The following GPRC5B variants were observed in gnomAD, a reference collection of about 807,000 sequenced individuals.
The protein encoded by GPRC5B is G protein-coupled receptor family C group 5 member B.
A neutral mutation model predicts 30.1 loss-of-function variants in GPRC5B; 16 were observed. The observed-to-expected ratio is 0.53, with a 90% confidence interval of 0.36 to 0.81. The LOEUF is 0.81. Among genes scored for constraint, GPRC5B ranks in the 30% least tolerant of loss-of-function variants. GPRC5B has a pLI of 0.01. For missense variants in GPRC5B, 428 were observed against 544.7 expected (o/e 0.79, Z 2.13); for synonymous variants, 241 against 239.5 (o/e 1.01, Z -0.06).
intron 1 of GPRC5B, among the ~76,000 whole-genome samples, chr16:19,874,079 C>T (rs1030280225): frequency 8.5e-5 from 13 of 152,160 alleles, no homozygotes; most frequent in African/African-American, 2.2e-4. Context: ...ATGTAGTAAA[C>T]ACAAAAGCAG....
chr16:19,875,705 G>A (rs1324272860), intron 1 of GPRC5B, among the ~76,000 whole-genome samples: 1 of 152,118 alleles, frequency 6.6e-6, no homozygotes, highest in African/African-American at 2.4e-5. Context: ...CTTGAACCTG[G>A]GAGGTGGAGG....
In GPRC5B at chr16:19,861,916, A is replaced by G. The variant is rs1178229691; in HGVS notation, c.1088T>C (p.Leu363Ser). Residue 363 changes from leucine (L) to serine (S), a missense_variant, in exon 3 of 4, where the codon TTG becomes TCG. By Grantham distance (145) the Leu-to-Ser change is moderately radical. This residue lies in a region of GPRC5B where 213 missense variants were observed against 229.1 expected (regional missense o/e 0.93). Transcript: ENST00000300571. ...GSLGKRPSGSLGKRPSAPFRS... is the reference protein window; with the variant it reads ...GSLGKRPSGSSGKRPSAPFRS... ...AAACGGAGCGCTGGGTCTTTTCCCC[A>G]AGCTGCCACTGGGTCTTTTTCCCAA... 1 of 1,613,572 alleles carries G rather than the reference A, an allele frequency of 6.2e-7. No individual in the cohort carries two copies. The highest frequency in any genetic ancestry group is 8.5e-7 in the Non-Finnish European group (1 of 1,179,652).
upstream of GPRC5B, chr16:19,885,159 G>T: frequency 2.4e-6 from 3 of 1,247,546 alleles, no homozygotes; most frequent in Non-Finnish European, 3.2e-6. The surrounding 1 kb of genome is among the most constrained non-coding windows in gnomAD (Gnocchi z 5.3). Context: ...AACTCCCCAG[G>T]GTAGATCCAT....
Position 19,858,389 on chromosome 16 carries a change from G to A in GPRC5B, c.*2111C>T. On this transcript the variant is annotated 3_prime_UTR_variant, in exon 4 of 4. Coordinates refer to ENST00000300571, the MANE Select transcript of GPRC5B (RefSeq NM_016235.3). ...AAAGATGGCTCTGTTCTTATGCTGG[G>A]GAAGCACGACTTTCCATGGCAGCCA... 2.0e-6 allele frequency: 1 copy of A among 497,216 alleles called. No homozygotes were observed. The highest frequency in any genetic ancestry group is 3.5e-5 in the South Asian group (1 of 28,772). The allele number at this position is 497,216 out of a possible 1,614,324, so 30.8% of individuals were successfully genotyped here. A position where few individuals can be genotyped will look rare whatever the true frequency, so the allele number is the denominator to read the frequency against.
In GPRC5B at chr16:19,872,177, G is replaced by A. The variant is rs761585329; in HGVS notation, c.669C>T (p.Cys223=). The A allele has an allele frequency of 1.0e-4, 168 of 1,613,990 alleles. No homozygotes were observed. The highest frequency in any genetic ancestry group is 1.2e-4 in the Non-Finnish European group (147 of 1,179,982). Reference sequence around the variant, plus strand: ...TCAGCTTCCACCTCTTGAACTTGCCGCACAGAGTGAAGAGGGCCAGCCCCA... The same window carrying A: ...TCAGCTTCCACCTCTTGAACTTGCCACACAGAGTGAAGAGGGCCAGCCCCA... ...VTLGLALFTL[C]GKFKRWKLNG... Residue 223 remains cysteine (C), a synonymous_variant, in exon 2 of 4, where the codon TGC becomes TGT. Coordinates refer to ENST00000300571, the MANE Select transcript of GPRC5B (RefSeq NM_016235.3). This position sits in a 1 kb window ranked among gnomAD's most constrained non-coding sequence, Gnocchi z 5.0.
In GPRC5B at chr16:19,872,372, C is replaced by T. The variant is rs61734943; in HGVS notation, c.474G>A (p.Ala158=). ...RRLVRHGTGP[A]GWQLVGLALC... ...GCGCCAGGCCCACCAGCTGCCAGCC[C>T]GCGGGGCCCGTGCCATGCCGCACCA... Residue 158 remains alanine (A), a synonymous_variant, in exon 2 of 4, where the codon GCG becomes GCA. Transcript: ENST00000300571. The surrounding 1 kb of genome is among the most constrained non-coding windows in gnomAD (Gnocchi z 5.0). The T allele has an allele frequency of 2.4e-3, 3,794 of 1,613,422 alleles. 89 individuals carry two copies. In the African/African-American group the frequency reaches 0.044, roughly 19 times the overall value.
chr16:19,881,074 G>A (rs1204554747), intron 1 of GPRC5B: 1 of 152,240 alleles, frequency 6.6e-6, no homozygotes, highest in Non-Finnish European at 1.5e-5. Flanking sequence ...TAATAGTTCA[G>A]TGCCCAGTAC....
upstream of GPRC5B, chr16:19,885,059 A>G (rs1259184903): frequency 1.1e-5 from 8 of 702,004 alleles, no homozygotes; most frequent in Non-Finnish European, 1.5e-5. The surrounding 1 kb of genome is among the most constrained non-coding windows in gnomAD (Gnocchi z 5.3). Context: ...CCCGGATCTC[A>G]GAGACGATTC....
Position 19,858,155 on chromosome 16 carries a change from A to C in GPRC5B, c.*2345T>G, listed in dbSNP as rs1270325442. Reference sequence around the variant, plus strand: ...GCTGGCTGCTACAGTCTCTTGGCAAAGATGTCTCTTGATACTTTTCAGGTG... The same window carrying C: ...GCTGGCTGCTACAGTCTCTTGGCAACGATGTCTCTTGATACTTTTCAGGTG... On this transcript the variant is annotated 3_prime_UTR_variant, in exon 4 of 4. Coordinates refer to ENST00000300571, the MANE Select transcript of GPRC5B (RefSeq NM_016235.3). 1 of 222,502 alleles carries C rather than the reference A, an allele frequency of 4.5e-6. No individual in the cohort carries two copies. Among genetic ancestry groups the C allele is most frequent in the Non-Finnish European group, 8.7e-6 (1 of 114,442 alleles). 13.8% of individuals were successfully genotyped at this position (222,502 alleles called of 1,614,324 possible). A position where few individuals can be genotyped will look rare whatever the true frequency, so the allele number is the denominator to read the frequency against.
At chr16:19,883,090 T>C (rs533635873) in intron 1 of GPRC5B, among the ~76,000 whole-genome samples, 10 of 152,326 alleles carry the variant, frequency 6.6e-5, no homozygotes, top group Admixed American at 4.6e-4. Flanking sequence ...AGCCATTTGC[T>C]ATGGGTTTGT....
chr16:19,877,438 G>C (rs1288585039), intron 1 of GPRC5B, among the ~76,000 whole-genome samples: 1 of 152,162 alleles, frequency 6.6e-6, no homozygotes, highest in African/African-American at 2.4e-5. Context: ...TGCCATGGCT[G>C]CCCATGAGGT....
At chr16:19,883,974 C>T (rs1481445176) in intron 1 of GPRC5B, among the ~76,000 whole-genome samples, 1 of 152,122 alleles carries the variant, frequency 6.6e-6, no homozygotes, top group African/African-American at 2.4e-5. Context: ...GGGCTGGAAG[C>T]CTGTGTCCCC....
Position 19,867,226 on chromosome 16 carries a change from A to G in GPRC5B, c.1030+4590T>C, listed in dbSNP as rs1043629438. On this transcript the variant is annotated intron_variant, in intron 2 of 3. Transcript: ENST00000300571. ...TTATGGAGAGGAGGGTAATTCCATG[A>G]CACAGGGGTCAGGCATGCGGGCTCT... 2.0e-5 allele frequency among the ~76,000 whole-genome samples: 3 copies of G among 152,188 alleles called. No homozygotes were observed. The East Asian group carries it at 5.8e-4, about 29-fold the overall frequency.
At chr16:19,877,340 C>T (rs954605377) in intron 1 of GPRC5B, among the ~76,000 whole-genome samples, 4 of 152,196 alleles carry the variant, frequency 2.6e-5, no homozygotes, top group Non-Finnish European at 4.4e-5. Context: ...TCTTATGGCC[C>T]CCTTCTTCCA....
At chr16:19,876,873 G>A (rs553698275) in intron 1 of GPRC5B, among the ~76,000 whole-genome samples, 1 of 152,354 alleles carries the variant, frequency 6.6e-6, no homozygotes, top group Non-Finnish European at 1.5e-5. Context: ...CCCTTGGAGA[G>A]CTACCTTGCG....
At position 19,862,008 on chromosome 16, in the gene GPRC5B, C is replaced by CA. The variant is rs370170986; in HGVS notation, c.1031-36dup. 333 of 1,600,212 alleles carry CA rather than the reference C, an allele frequency of 2.1e-4. 2 individuals carry two copies. The South Asian group carries it at 2.1e-3, about 10-fold the overall frequency. Reference sequence around the variant, plus strand: ...GGAGGGATTGGCAAGACAACATTGCCAAAAAAAAGACACAATTTTGTTTTC... The same window carrying CA: ...GGAGGGATTGGCAAGACAACATTGCCAAAAAAAAAGACACAATTTTGTTTTC... On this transcript the variant is annotated intron_variant, in intron 2 of 3. Transcript: ENST00000300571.
chr16:19,873,963 A>G (rs2056742658), intron 1 of GPRC5B, among the ~76,000 whole-genome samples: 1 of 152,026 alleles, frequency 6.6e-6, no homozygotes, highest in South Asian at 2.1e-4. Context: ...TTGTATTTCT[A>G]GTAGAGACTA....
intron 1 of GPRC5B, among the ~76,000 whole-genome samples, chr16:19,883,834 G>A (rs929365781): frequency 1.2e-4 from 18 of 152,350 alleles, no homozygotes; most frequent in African/African-American, 4.1e-4. Context: ...GAGATTTCTG[G>A]GGCAAGGTCG....
At chr16:19,862,603 A>C (rs966535348) in intron 2 of GPRC5B, among the ~76,000 whole-genome samples, 1 of 152,112 alleles carries the variant, frequency 6.6e-6, no homozygotes, top group Non-Finnish European at 1.5e-5. Flanking sequence ...ACATGGAGGA[A>C]TCTAACAAAC....
Sources: allele counts gnomAD v4.1 joint callset (sites outside exome capture counted in the v4.1 genomes callset), GRCh38; gene constraint gnomAD v4.1.1; regional missense constraint gnomAD v4.1.1; non-coding constraint Gnocchi (gnomAD v3.1); transcripts MANE v1.5; gene names NCBI Gene and HGNC (gene_info 2026-07-23, HGNC 2026-07-21).